MED13L: variants seen among roughly 807,000 people sequenced by gnomAD.
MED13L encodes the protein mediator complex subunit 13L.
MED13L carries 7 observed loss-of-function variants against 220.9 expected under a neutral mutation model. The observed-to-expected ratio is 0.03, with a 90% CI of 0.02 to 0.06. MED13L has a LOEUF of 0.06. Among genes scored for constraint, MED13L ranks in the 10% least tolerant of loss-of-function variants. The probability of loss-of-function intolerance (pLI) is 1.00; values close to 1 mark genes in which losing one functional copy is unlikely to be tolerated. For missense variants in MED13L, 1,965 were observed against 2,760.5 expected (o/e 0.71, Z 6.46); for synonymous variants, 1,011 against 1,015.2 (o/e 1.00, Z 0.08).
At chr12:116,182,327 T>A (rs1176002743) in intron 2 of MED13L, among the ~76,000 whole-genome samples, 5 of 152,102 alleles carry the variant, frequency 3.3e-5, no homozygotes, top group African/African-American at 9.7e-5. Flanking sequence ...CCTTAGCCAC[T>A]CTCCTCCAAA....
intron 4 of MED13L, among the ~76,000 whole-genome samples, chr12:116,086,562 G>C (rs1337811217): frequency 6.6e-6 from 1 of 152,110 alleles, no homozygotes; most frequent in African/African-American, 2.4e-5. Context: ...GATTACAGGC[G>C]TGAGCTACTG....
intron 2 of MED13L, among the ~76,000 whole-genome samples, chr12:116,143,298 T>C (rs1012251738): frequency 6.6e-6 from 1 of 151,550 alleles, no homozygotes; most frequent in African/African-American, 2.4e-5. Context: ...GGTGAATCAT[T>C]TGAGCCCAGG....
In MED13L at chr12:116,110,006, A is replaced by G. The variant is rs543698364; in HGVS notation, c.395+1422T>C. 2 of 152,330 alleles carry G rather than the reference A, an allele frequency of 1.3e-5. 1 individual carries two copies. The highest frequency in any genetic ancestry group is 4.1e-4 in the South Asian group (2 of 4,822). The allele number at this position is 152,330 out of a possible 1,614,324, so 9.4% of individuals were successfully genotyped here. A position where few individuals can be genotyped will look rare whatever the true frequency, so the allele number is the denominator to read the frequency against. ...GTAACCACCCTAGCCAATAGTTTGG[A>G]TAAGAAACTGGTAAGTCCTCACAGC... On this transcript the variant is annotated intron_variant, in intron 3 of 30. Coordinates refer to ENST00000281928, the MANE Select transcript of MED13L (RefSeq NM_015335.5).
At chr12:116,275,074 ATATACAC>A in intron 1 of MED13L, among the ~76,000 whole-genome samples, 1 of 152,170 alleles carries the variant, frequency 6.6e-6, no homozygotes, top group East Asian at 1.9e-4. Flanking sequence ...CAGAATCCGT[ATATACAC>A]AGCCATTACC....
At chr12:116,197,041 C>T (rs762527597) in intron 2 of MED13L, among the ~76,000 whole-genome samples, 11 of 152,282 alleles carry the variant, frequency 7.2e-5, no homozygotes, top group Admixed American at 1.3e-4. Flanking sequence ...TAAGACAGAA[C>T]ATCAGTTCAG....
chr12:116,254,150 T>A (rs907673061), intron 1 of MED13L, among the ~76,000 whole-genome samples: 1 of 151,690 alleles, frequency 6.6e-6, no homozygotes, highest in Non-Finnish European at 1.5e-5. Context: ...ATGAGAAGAG[T>A]GAATATTTTC....
chr12:116,227,412 A>G (rs1869114192), intron 2 of MED13L, among the ~76,000 whole-genome samples: 2 of 152,206 alleles, frequency 1.3e-5, no homozygotes, highest in East Asian at 3.8e-4. Flanking sequence ...TTACAAATTT[A>G]AGGTGTGTAG....
intron 2 of MED13L, among the ~76,000 whole-genome samples, chr12:116,222,682 T>A (rs140350064): frequency 6.6e-6 from 1 of 152,346 alleles, no homozygotes; most frequent in African/African-American, 2.4e-5. Context: ...TGTGTGAGTG[T>A]GTTTGCAAGC....
At position 115,983,589 on chromosome 12, in the gene MED13L, C is replaced by T. The variant is rs371940656; in HGVS notation, c.4532-49G>A. On this transcript the variant is annotated intron_variant, in intron 20 of 30. Coordinates refer to ENST00000281928, the MANE Select transcript of MED13L (RefSeq NM_015335.5). ...TGACTTTAGTGATATTCTGCAGTGT[C>T]GGACTGAACCAGAATCTAGAATGGT... The T allele has an allele frequency of 8.4e-5, 133 of 1,590,796 alleles. No individual in the cohort carries two copies. In the African/African-American group the frequency reaches 9.5e-4, roughly 11 times the overall value.
chr12:116,242,062 T>C (rs1164755450), intron 1 of MED13L, among the ~76,000 whole-genome samples: 3 of 148,572 alleles, frequency 2.0e-5, no homozygotes, highest in Non-Finnish European at 4.5e-5. Flanking sequence ...TTTTTTTTTT[T>C]TTTTTTTGAG....
intron 2 of MED13L, among the ~76,000 whole-genome samples, chr12:116,118,079 G>C (rs1399947434): frequency 2.0e-5 from 3 of 152,092 alleles, no homozygotes; most frequent in Non-Finnish European, 4.4e-5. Context: ...AAAGTGCTGG[G>C]ATTACAGGTG....
At chr12:116,188,330 C>T (rs946103905) in intron 2 of MED13L, among the ~76,000 whole-genome samples, 9 of 152,080 alleles carry the variant, frequency 5.9e-5, no homozygotes, top group Admixed American at 5.2e-4. Context: ...TTAAAGGATA[C>T]ATTGAAGATC....
At chr12:116,116,074 C>A (rs962907831) in intron 2 of MED13L, among the ~76,000 whole-genome samples, 1 of 152,168 alleles carries the variant, frequency 6.6e-6, no homozygotes, top group Non-Finnish European at 1.5e-5. Context: ...TGACATACAG[C>A]TCCTAAAATC....
At chr12:116,110,155 T>G (rs988014394) in intron 3 of MED13L, 8 of 152,158 alleles carry the variant, frequency 5.3e-5, no homozygotes, top group Non-Finnish European at 5.9e-5. Context: ...ATTCAGAGCC[T>G]GGAACATATT....
rs1017590558 is a variant in MED13L, at chr12:116,096,698, G to A, written c.450C>T (p.Tyr150=). The A allele has an allele frequency of 8.7e-6, 14 of 1,613,786 alleles. No individual in the cohort carries two copies. The highest frequency in any genetic ancestry group is 2.2e-5 in the East Asian group (1 of 44,854). The change falls in exon 4 of 31, where the codon TAC becomes TAT. Residue 150 remains tyrosine, a synonymous_variant. Transcript: ENST00000281928. ...VRIGKWFVRP[Y]EKDEKPVNKS... ...TGTTGACTGGCTTTTCATCCTTTTCGTAGGGTCGGACAAACCATTTCCCAA... is the reference window on the plus strand; with the variant it reads ...TGTTGACTGGCTTTTCATCCTTTTCATAGGGTCGGACAAACCATTTCCCAA...
At chr12:116,106,387 C>T (rs1245708118) in intron 3 of MED13L, among the ~76,000 whole-genome samples, 4 of 152,076 alleles carry the variant, frequency 2.6e-5, no homozygotes, top group Non-Finnish European at 5.9e-5. Context: ...GAACTGGTTG[C>T]GTTATAAATG....
chr12:116,012,896 C>A lies in MED13L; in HGVS notation c.1181G>T (p.Ser394Ile), dbSNP rs1254858611. 4 of 1,612,538 alleles carry A rather than the reference C, an allele frequency of 2.5e-6. No individual in the cohort carries two copies. The African/African-American group carries it at 5.3e-5, about 22-fold the overall frequency. ...CILNRTQSKR[S>I]QMSTPTLEEE... Reference sequence around the variant, plus strand: ...TTCAAGAGTTGGAGTTGACATTTGGCTCCTCCTAAAAGGGTTAAAAATGTG... The same window carrying A: ...TTCAAGAGTTGGAGTTGACATTTGGATCCTCCTAAAAGGGTTAAAAATGTG... Residue 394 changes from serine (S) to isoleucine (I), a missense_variant, in exon 9 of 31, where the codon AGC (serine) becomes ATC (isoleucine). Around this residue, in one of 10 missense-constraint regions of MED13L, gnomAD observed 818 missense variants for 1,041.2 expected, o/e 0.79. Coordinates refer to ENST00000281928, the MANE Select transcript of MED13L (RefSeq NM_015335.5).
intron 2 of MED13L, among the ~76,000 whole-genome samples, chr12:116,198,517 C>A (rs757413881): frequency 1.1e-4 from 16 of 152,178 alleles, no homozygotes; most frequent in Non-Finnish European, 2.2e-4. Flanking sequence ...CTCTGACCCC[C>A]TACAGAAGTT....
At chr12:116,208,956 G>A (rs1221306668) in intron 2 of MED13L, among the ~76,000 whole-genome samples, 2 of 151,904 alleles carry the variant, frequency 1.3e-5, no homozygotes, top group Non-Finnish European at 2.9e-5. Context: ...GGGTGACAGA[G>A]CGAGACCCTG....
Sources: allele counts gnomAD v4.1 joint callset (sites outside exome capture counted in the v4.1 genomes callset), GRCh38; gene constraint gnomAD v4.1.1; regional missense constraint gnomAD v4.1.1; transcripts MANE v1.5; gene names NCBI Gene and HGNC (gene_info 2026-07-23, HGNC 2026-07-21).